Variants in RIMS2 observed in about 807,000 individuals in gnomAD.
RIMS2 encodes regulating synaptic membrane exocytosis protein 2.
RIMS2 carries 59 observed loss-of-function variants against 174.4 expected under a neutral mutation model. The observed-to-expected ratio is 0.34, with a 90% CI of 0.27 to 0.42. RIMS2 has a LOEUF of 0.42. Among genes scored for constraint, RIMS2 ranks in the 10% least tolerant of loss-of-function variants. The pLI is 1.00. For synonymous variants in RIMS2, 606 were observed against 572.5 expected (o/e 1.06, Z -0.84); for missense variants, 1,620 against 1,666.3 (o/e 0.97, Z 0.48).
intron 19 of RIMS2, among the ~76,000 whole-genome samples, chr8:104,217,900 C>CA (rs1255273363): frequency 6.6e-6 from 1 of 151,850 alleles, no homozygotes; most frequent in Non-Finnish European, 1.5e-5. Context: ...TATATTACAG[C>CA]AAAAAATAAA....
intron 19 of RIMS2, among the ~76,000 whole-genome samples, chr8:104,225,305 G>A (rs1285566020): frequency 6.6e-6 from 1 of 152,090 alleles, no homozygotes; most frequent in Non-Finnish European, 1.5e-5. Context: ...TTTGAACCCA[G>A]GCATTCAGCA....
chr8:104,105,726 T>C (rs137953872), intron 19 of RIMS2, among the ~76,000 whole-genome samples: 3 of 152,148 alleles, frequency 2.0e-5, no homozygotes, highest in Non-Finnish European at 2.9e-5. Context: ...CATGCCACCA[T>C]GCCTGGCTAA....
intron 16 of RIMS2, among the ~76,000 whole-genome samples, chr8:103,978,369 GA>G (rs202214823): frequency 2.6e-5 from 3 of 115,750 alleles, no homozygotes; most frequent in East Asian, 2.0e-4. Context: ...GTAGTCAGAG[GA>G]AAAAAAAATG....
intron 1 of RIMS2, among the ~76,000 whole-genome samples, chr8:103,543,419 T>G (rs1239206930): frequency 6.6e-6 from 1 of 152,188 alleles, no homozygotes; most frequent in Non-Finnish European, 1.5e-5. Flanking sequence ...TAATATTGTT[T>G]AAATGTTCAT....
intron 19 of RIMS2, among the ~76,000 whole-genome samples, chr8:104,163,605 G>C (rs920238309): frequency 6.6e-6 from 1 of 152,186 alleles, no homozygotes; most frequent in Non-Finnish European, 1.5e-5. Flanking sequence ...ATGAGGAAGA[G>C]AGGCAGTAGT....
intron 1 of RIMS2, among the ~76,000 whole-genome samples, chr8:103,598,235 G>C (rs1376055450): frequency 3.2e-4 from 48 of 152,220 alleles, no homozygotes; most frequent in Non-Finnish European, 4.4e-5. Context: ...TAACATTACT[G>C]TCTCTGAGGT....
chr8:104,034,028 C>T (rs62527155), intron 19 of RIMS2, among the ~76,000 whole-genome samples: 34,349 of 152,048 alleles, frequency 0.23, 4,031 homozygotes, highest in South Asian at 0.35. Flanking sequence ...AAGAAACCCA[C>T]TTCAATAAAT....
chr8:104,240,448 T>G (rs2099280958), intron 19 of RIMS2, among the ~76,000 whole-genome samples: 1 of 152,214 alleles, frequency 6.6e-6, no homozygotes, highest in Non-Finnish European at 1.5e-5. Context: ...GATTTTGTGG[T>G]GCTGAAAAAT....
intron 2 of RIMS2, among the ~76,000 whole-genome samples, chr8:103,713,659 G>A (rs966884878): frequency 6.6e-6 from 1 of 151,746 alleles, no homozygotes; most frequent in East Asian, 1.9e-4. Context: ...CTTCAGTTTT[G>A]GCCTGTTAAT....
chr8:103,626,867 C>T (rs1265169235), intron 1 of RIMS2, among the ~76,000 whole-genome samples: 1 of 152,140 alleles, frequency 6.6e-6, no homozygotes, highest in East Asian at 1.9e-4. Flanking sequence ...ACAAGGATCA[C>T]ATGCTTCAAA....
chr8:103,841,902 C>A (rs921550941), intron 3 of RIMS2, among the ~76,000 whole-genome samples: 7 of 151,896 alleles, frequency 4.6e-5, no homozygotes, highest in Non-Finnish European at 8.8e-5. Flanking sequence ...TTGCAGTGAG[C>A]CAAGATCCTG....
At chr8:103,612,612 G>A (rs1271511481) in intron 1 of RIMS2, among the ~76,000 whole-genome samples, 1 of 152,036 alleles carries the variant, frequency 6.6e-6, no homozygotes, top group Non-Finnish European at 1.5e-5. Flanking sequence ...GGAATCTTGT[G>A]CTGTCACCCA....
At chr8:103,547,591 C>T (rs531973636) in intron 1 of RIMS2, among the ~76,000 whole-genome samples, 3 of 152,006 alleles carry the variant, frequency 2.0e-5, no homozygotes, top group East Asian at 1.9e-4. Flanking sequence ...AACATCATAG[C>T]GAGAGGAACT....
intron 14 of RIMS2, among the ~76,000 whole-genome samples, chr8:103,946,340 A>G (rs2083761810): frequency 6.6e-6 from 1 of 152,118 alleles, no homozygotes; most frequent in African/African-American, 2.4e-5. Context: ...AACAGTAGAA[A>G]AATTAGCCTG....
chr8:104,064,904 AT>A (rs989725895), intron 19 of RIMS2, among the ~76,000 whole-genome samples: 1 of 152,042 alleles, frequency 6.6e-6, no homozygotes, highest in Non-Finnish European at 1.5e-5. Context: ...AATGACCCTA[AT>A]TTTTTAAGCA....
intron 10 of RIMS2, chr8:103,922,122 A>C (rs1029479438): frequency 2.3e-5 from 4 of 176,636 alleles, no homozygotes; most frequent in African/African-American, 9.6e-5. Flanking sequence ...AGAAATAAAA[A>C]TGTTGCACTA....
chr8:103,655,932 A>G (rs564690128), intron 1 of RIMS2, among the ~76,000 whole-genome samples: 2 of 152,288 alleles, frequency 1.3e-5, no homozygotes, highest in Admixed American at 6.5e-5. Context: ...TACTTTATGT[A>G]TAAAGAACAT....
chr8:103,899,726 A>G (rs1336455146), intron 4 of RIMS2, among the ~76,000 whole-genome samples: 2 of 151,684 alleles, frequency 1.3e-5, no homozygotes, highest in African/African-American at 2.4e-5. Flanking sequence ...TAGTTTAATT[A>G]GATCCTATTT....
In RIMS2 at chr8:103,687,776, C is replaced by T. The variant is rs113103980; in HGVS notation, c.177-9310C>T. On this transcript the variant is annotated intron_variant, in intron 1 of 23. Transcript: ENST00000504942. ...ATCATACAGTATTTGTCTTTCTGTG[C>T]CTGGCTTACTTCACTTAACATAATG... Among the ~76,000 whole-genome samples, 766 of 152,166 alleles carry T rather than the reference C, an allele frequency of 5.0e-3. 8 individuals are homozygous for T. Among genetic ancestry groups the T allele is most frequent in the African/African-American group, 0.018 (727 of 41,530 alleles).
Sources: gnomAD v4.1 joint callset for allele counts (sites outside exome capture counted in the v4.1 genomes callset) on GRCh38, gnomAD v4.1.1 for gene constraint, MANE v1.5 for transcripts, NCBI Gene and HGNC (gene_info 2026-07-23, HGNC 2026-07-21) for gene names.